NPIPB2: variants seen among roughly 807,000 people sequenced by gnomAD.
NPIPB2 encodes the protein nuclear pore complex interacting protein family member B2.
Under a neutral mutation model 30.8 loss-of-function variants are expected in NPIPB2, and 27 were observed. The ratio of observed to expected loss-of-function variants is 0.88; its 90% CI spans 0.65 to 1.21. The LOEUF (loss-of-function observed/expected upper bound fraction) is 1.21. Among genes scored for constraint, NPIPB2 ranks in the 50% most tolerant of loss-of-function variants. The pLI, the probability that NPIPB2 is intolerant of heterozygous loss-of-function variation, is 0.00. For missense variants in NPIPB2, 440 were observed against 446.2 expected, an observed-to-expected ratio of 0.99 and a Z score of 0.13; for synonymous variants, 147 against 162.0, an observed-to-expected ratio of 0.91 and a Z score of 0.70.
At position 11,954,556 on chromosome 16, in the gene NPIPB2, T is replaced by C. The variant is rs115453257; in HGVS notation, c.-583-12442A>G. Among the ~76,000 whole-genome samples the C allele has an allele frequency of 4.7e-3, 714 of 152,188 alleles. 8 individuals carry two copies. The highest frequency in any genetic ancestry group is 0.016 in the African/African-American group (668 of 41,566). ...TTATGTATAATTGAGAAATAAAATT[T>C]TTTTTAAGAAGAAAAAAGACTCGAT... On this transcript the variant is annotated intron_variant, in intron 1 of 5. Transcript: ENST00000538896.
At chr16:11,972,820 C>T (rs1164424846) in intron 1 of NPIPB2, among the ~76,000 whole-genome samples, 4 of 149,096 alleles carry the variant, frequency 2.7e-5, no homozygotes, top group Admixed American at 2.0e-4. Flanking sequence ...GCCGAGATCA[C>T]GCCAGTGCAT....
chr16:11,946,702 A>T (rs1399320634), upstream of NPIPB2, among the ~76,000 whole-genome samples: 1 of 152,154 alleles, frequency 6.6e-6, no homozygotes, highest in Non-Finnish European at 1.5e-5. Context: ...GGAAAGTAAA[A>T]TGGGGCCTGC....
intron 1 of NPIPB2, chr16:11,966,190 TA>T (rs1662703777): frequency 1.2e-6 from 2 of 1,608,014 alleles, no homozygotes; most frequent in Non-Finnish European, 1.7e-6. Flanking sequence ...GTTCTTTTCA[TA>T]AAGGTGTGAC....
upstream of NPIPB2, chr16:11,942,226 T>C (rs1052677294): frequency 9.4e-6 from 6 of 641,616 alleles, no homozygotes; most frequent in Non-Finnish European, 1.3e-5. Flanking sequence ...TTGAGAGCAA[T>C]CAAATCACAC....
intron 1 of NPIPB2, among the ~76,000 whole-genome samples, chr16:11,974,419 AG>A (rs2055254614): frequency 6.6e-6 from 1 of 152,194 alleles, no homozygotes; most frequent in African/African-American, 2.4e-5. Context: ...CGGGAGGCTG[AG>A]GCAGGAGAAT....
chr16:11,966,139 A>C, intron 1 of NPIPB2: 3 of 1,482,658 alleles, frequency 2.0e-6, no homozygotes, highest in Non-Finnish European at 2.8e-6. Context: ...ATAACAATAA[A>C]GTATGTGAAT....
At chr16:11,965,432 A>C in intron 1 of NPIPB2, 1 of 1,614,004 alleles carries the variant, frequency 6.2e-7, no homozygotes, top group South Asian at 1.1e-5. Context: ...CTCCTCTAAC[A>C]TGTCAGCGTT....
At chr16:11,967,598 T>G in intron 1 of NPIPB2, 1 of 1,613,952 alleles carries the variant, frequency 6.2e-7, no homozygotes, top group South Asian at 1.1e-5. Flanking sequence ...TGGCTAACAT[T>G]GACCTGGAAA....
intron 1 of NPIPB2, among the ~76,000 whole-genome samples, chr16:11,972,050 G>A (rs532132499): frequency 6.6e-6 from 1 of 152,104 alleles, no homozygotes; most frequent in South Asian, 2.1e-4. Context: ...GGAGGCTGAG[G>A]CAGGAGGATC....
intron 1 of NPIPB2, among the ~76,000 whole-genome samples, chr16:11,938,905 G>A (rs1483847042): frequency 8.0e-5 from 12 of 150,770 alleles, no homozygotes; most frequent in African/African-American, 2.5e-4. Flanking sequence ...CTGCCACCAC[G>A]CTCGGCTAAT....
At chr16:11,944,821 C>A (rs184841495), upstream of NPIPB2, among the ~76,000 whole-genome samples, 2 of 150,544 alleles carry the variant, frequency 1.3e-5, no homozygotes, top group Non-Finnish European at 2.9e-5. Context: ...AGGCCAGATG[C>A]TGTTACCTGC....
chr16:11,945,868 GTCTGTCTCATT>G (rs201298052), upstream of NPIPB2, among the ~76,000 whole-genome samples: 2,188 of 151,902 alleles, frequency 0.014, 47 homozygotes, highest in African/African-American at 0.05. Context: ...TATTCTTTCT[GTCTGTCTCATT>G]TCTGTCTCTT....
At chr16:11,948,231 T>C (rs2055030855) in intron 1 of NPIPB2, among the ~76,000 whole-genome samples, 2 of 152,008 alleles carry the variant, frequency 1.3e-5, no homozygotes, top group South Asian at 4.2e-4. Context: ...TGGGAAGGGT[T>C]GGTGACCTGG....
At chr16:11,944,985 C>T (rs1487378368), upstream of NPIPB2, among the ~76,000 whole-genome samples, 1 of 150,400 alleles carries the variant, frequency 6.6e-6, no homozygotes, top group Non-Finnish European at 1.5e-5. Context: ...TCAAGGCCAG[C>T]CTGACCAACA....
At chr16:11,931,497 G>A (rs1471588322) in intron 4 of NPIPB2, among the ~76,000 whole-genome samples, 1 of 152,134 alleles carries the variant, frequency 6.6e-6, no homozygotes, top group South Asian at 2.1e-4. Context: ...TGACCACAAG[G>A]CATCCTTCAG....
chr16:11,970,037 C>T (rs1184135300), intron 1 of NPIPB2, among the ~76,000 whole-genome samples: 2 of 151,556 alleles, frequency 1.3e-5, no homozygotes, highest in African/African-American at 4.8e-5. Flanking sequence ...TATACTAACT[C>T]ATTTTAAGCA....
chr16:11,965,372 T>C, intron 1 of NPIPB2: 1 of 1,614,252 alleles, frequency 6.2e-7, no homozygotes, highest in Admixed American at 1.7e-5. Context: ...ATTTTGACAG[T>C]TTGTTGCATG....
At chr16:11,960,564 G>A (rs2055146042) in intron 1 of NPIPB2, among the ~76,000 whole-genome samples, 1 of 151,884 alleles carries the variant, frequency 6.6e-6, no homozygotes, top group African/African-American at 2.4e-5. Flanking sequence ...CACCATGTTG[G>A]CCAGGCTGGT....
intron 1 of NPIPB2, among the ~76,000 whole-genome samples, chr16:11,975,660 G>A (rs1342289971): frequency 1.3e-5 from 2 of 151,432 alleles, no homozygotes; most frequent in Non-Finnish European, 2.9e-5. Flanking sequence ...GTGGGATCTC[G>A]GCTCACTGAA....
Sources: allele counts gnomAD v4.1 joint callset (sites outside exome capture counted in the v4.1 genomes callset), GRCh38; gene constraint gnomAD v4.1.1; transcripts MANE v1.5; gene names NCBI Gene and HGNC (gene_info 2026-07-23, HGNC 2026-07-21).